The following TENM4 variants were observed in gnomAD, a reference collection of about 807,000 sequenced individuals.
TENM4 encodes the protein teneurin transmembrane protein 4.
In TENM4, 82 loss-of-function variants were observed where a neutral mutation model predicts 243.3. That is an observed-to-expected ratio of 0.34 (90% CI 0.28 to 0.40). TENM4 has a LOEUF of 0.40. TENM4 is among the 10% of genes least tolerant of loss of function. The pLI is 1.00. For missense variants in TENM4, 3,138 were observed against 3,673.3 expected (o/e 0.85, Z 3.77); for synonymous variants, 1,412 against 1,456.3 (o/e 0.97, Z 0.69).
chr11:79,090,958 G>C (rs573053655), intron 4 of TENM4, among the ~76,000 whole-genome samples: 2 of 152,204 alleles, frequency 1.3e-5, no homozygotes, highest in African/African-American at 2.4e-5. Flanking sequence ...CCCATTCTGG[G>C]GTTGTGGGGG....
At chr11:79,043,195 C>G (rs568754740) in intron 6 of TENM4, among the ~76,000 whole-genome samples, 1 of 152,322 alleles carries the variant, frequency 6.6e-6, no homozygotes, top group South Asian at 2.1e-4. Flanking sequence ...GTTCACTTGT[C>G]TCTTCTGCTA....
chr11:78,783,948 T>C (rs1856886006), intron 16 of TENM4, among the ~76,000 whole-genome samples: 1 of 152,212 alleles, frequency 6.6e-6, no homozygotes, highest in African/African-American at 2.4e-5. Context: ...AAATTCTGTA[T>C]TCCTGCTGTA....
At chr11:78,965,522 A>G (rs1290295540) in intron 6 of TENM4, among the ~76,000 whole-genome samples, 2 of 152,192 alleles carry the variant, frequency 1.3e-5, no homozygotes, top group African/African-American at 4.8e-5. Context: ...AAGAAACATG[A>G]TATGTTGTTT....
At chr11:79,014,182 C>T (rs569192893) in intron 6 of TENM4, among the ~76,000 whole-genome samples, 7 of 152,258 alleles carry the variant, frequency 4.6e-5, no homozygotes, top group African/African-American at 1.2e-4. Context: ...TGTGCCATTT[C>T]GACTATAACA....
chr11:78,986,227 C>T (rs1395964695), intron 6 of TENM4, among the ~76,000 whole-genome samples: 1 of 152,132 alleles, frequency 6.6e-6, no homozygotes, highest in African/African-American at 2.4e-5. Flanking sequence ...AGTTCTATAA[C>T]TCAAAGAAAC....
chr11:79,393,939 G>A (rs1858288342), intron 1 of TENM4, among the ~76,000 whole-genome samples: 1 of 152,126 alleles, frequency 6.6e-6, no homozygotes, highest in Non-Finnish European at 1.5e-5. Context: ...TGGAGGAAGA[G>A]GGTGACACTG....
chr11:79,043,517 T>C (rs1367006864), intron 6 of TENM4, among the ~76,000 whole-genome samples: 1 of 152,134 alleles, frequency 6.6e-6, no homozygotes, highest in African/African-American at 2.4e-5. Context: ...CCCCAAAGCA[T>C]GTTGGGTACA....
At chr11:78,970,194 TA>T in intron 6 of TENM4, among the ~76,000 whole-genome samples, 1 of 152,182 alleles carries the variant, frequency 6.6e-6, no homozygotes, top group East Asian at 1.9e-4. Context: ...TCCAGTGAGT[TA>T]TGTTCTTGTC....
chr11:78,856,339 A>T (rs868840881), intron 10 of TENM4, among the ~76,000 whole-genome samples, 161 bp from the exon 11 acceptor site: 1 of 151,562 alleles, frequency 6.6e-6, no homozygotes, highest in Admixed American at 6.6e-5. Flanking sequence ...CCCCACATGG[A>T]GGAGTAAAAA....
chr11:79,119,563 T>C (rs1212103732), intron 4 of TENM4, among the ~76,000 whole-genome samples: 1 of 152,198 alleles, frequency 6.6e-6, no homozygotes, highest in Admixed American at 6.5e-5. Context: ...CATCAAGGCA[T>C]CAGCCAGGCG....
At chr11:79,069,644 C>G in intron 5 of TENM4, 78 bp downstream of exon 5, 2 of 1,468,200 alleles carry the variant, frequency 1.4e-6, no homozygotes, top group South Asian at 1.4e-5. Context: ...CCCACCTGCG[C>G]CACGCCCACC....
intron 29 of TENM4, among the ~76,000 whole-genome samples, chr11:78,677,028 G>A (rs892101448): frequency 2.0e-5 from 3 of 152,058 alleles, no homozygotes; most frequent in Non-Finnish European, 2.9e-5. Flanking sequence ...TTCTCTTTGC[G>A]GTGATAAACA....
At chr11:79,085,218 A>C (rs71471437) in intron 4 of TENM4, among the ~76,000 whole-genome samples, 23 of 148,024 alleles carry the variant, frequency 1.6e-4, no homozygotes, top group Non-Finnish European at 3.1e-4. Context: ...TAAAAATACA[A>C]AAAAAAAAAT....
At chr11:79,197,356 A>ATTTTT (rs765973755) in intron 3 of TENM4, among the ~76,000 whole-genome samples, 2 of 99,104 alleles carry the variant, frequency 2.0e-5, no homozygotes. Context: ...TTTTTTTTAA[A>ATTTTT]AAGCCCCTGC....
At position 79,174,946 on chromosome 11, in the gene TENM4, T is replaced by C. The variant is rs150495141; in HGVS notation, c.-162-26140A>G. ...CACTACACTCTCCTCAGCTACCCCA[T>C]ATGACAATGCCACTGTTTCTTGCCA... On this transcript the variant is annotated intron_variant, in intron 3 of 33. Coordinates refer to ENST00000278550, the MANE Select transcript of TENM4 (RefSeq NM_001098816.3). Among the ~76,000 whole-genome samples, 128 of 152,294 alleles carry C rather than the reference T, an allele frequency of 8.4e-4. 2 individuals are homozygous for C. Among genetic ancestry groups the C allele is most frequent in the East Asian group, 7.5e-3 (39 of 5,182 alleles).
intron 12 of TENM4, among the ~76,000 whole-genome samples, 182 bp from the exon 13 acceptor site, chr11:78,814,577 T>C (rs140699789): frequency 2.0e-5 from 3 of 152,344 alleles, no homozygotes; most frequent in East Asian, 3.9e-4. Context: ...CACAGTTCAA[T>C]TGACATTAGC....
At chr11:79,421,546 C>CAG (rs1344568991) in intron 1 of TENM4, among the ~76,000 whole-genome samples, 2 of 152,194 alleles carry the variant, frequency 1.3e-5, no homozygotes, top group East Asian at 3.9e-4. Flanking sequence ...GGCTATCTCC[C>CAG]AGAGAGAGTT....
At chr11:78,995,652 T>C (rs2136680454) in intron 6 of TENM4, among the ~76,000 whole-genome samples, 1 of 151,726 alleles carries the variant, frequency 6.6e-6, no homozygotes, top group Non-Finnish European at 1.5e-5. Context: ...TGGAAAAGAA[T>C]TATAAAATTT....
At chr11:79,138,745 ATACATTATATTTATATAAATACATAAAAC>A (rs1302001847) in intron 4 of TENM4, among the ~76,000 whole-genome samples, 44 of 111,978 alleles carry the variant, frequency 3.9e-4, no homozygotes, top group African/African-American at 1.5e-3. Flanking sequence ...TACATAAAAC[ATACATTATATTTATATAAATACATAAAAC>A]ATACATTATA....
Sources: allele counts gnomAD v4.1 joint callset (sites outside exome capture counted in the v4.1 genomes callset), GRCh38; gene constraint gnomAD v4.1.1; transcripts MANE v1.5; gene names NCBI Gene and HGNC (gene_info 2026-07-23, HGNC 2026-07-21).